WFDC8: variants seen among roughly 807,000 people sequenced by gnomAD.
WFDC8 encodes WAP four-disulfide core domain protein 8.
Under a neutral mutation model 27.0 loss-of-function variants are expected in WFDC8, and 24 were observed. The observed-to-expected ratio is 0.89, with a 90% CI of 0.64 to 1.25. The LOEUF is 1.25. Among genes scored for constraint, WFDC8 ranks in the 50% most tolerant of loss-of-function variants. The pLI, the probability that WFDC8 is intolerant of heterozygous loss-of-function variation, is 0.00. For missense variants in WFDC8, 287 were observed against 295.9 expected, an observed-to-expected ratio of 0.97 and a Z score of 0.22; for synonymous variants, 106 against 99.7, an observed-to-expected ratio of 1.06 and a Z score of -0.38.
At chr20:45,557,081 A>G (rs751360186) in intron 3 of WFDC8, among the ~76,000 whole-genome samples, 2 of 152,190 alleles carry the variant, frequency 1.3e-5, no homozygotes, top group African/African-American at 4.8e-5. Context: ...GAAAGGGCCA[A>G]TTGATCAACA....
intron 1 of WFDC8, among the ~76,000 whole-genome samples, chr20:45,578,950 T>C (rs1292472476): frequency 6.6e-6 from 1 of 152,048 alleles, no homozygotes; most frequent in African/African-American, 2.4e-5. Flanking sequence ...CTACTAAAAA[T>C]GCAAAACTTA....
At chr20:45,553,084 A>G (rs2294559) in intron 5 of WFDC8, 52 bp downstream of exon 5, 625,734 of 1,567,222 alleles carry the variant, frequency 0.4, 130,197 homozygotes, top group Non-Finnish European at 0.43. Context: ...AGACAGCATG[A>G]CATCCTTGGC....
intron 2 of WFDC8, 138 bp from the exon 3 acceptor site, chr20:45,559,130 G>T: frequency 9.4e-7 from 1 of 1,067,174 alleles, no homozygotes; most frequent in East Asian, 2.5e-5. Context: ...TTATATTCAG[G>T]GGCTAGTTCT....
chr20:45,574,010 G>A (rs1469437903), intron 1 of WFDC8, among the ~76,000 whole-genome samples: 1 of 152,064 alleles, frequency 6.6e-6, no homozygotes, highest in Non-Finnish European at 1.5e-5. Context: ...GGTCTTTTGT[G>A]ACTCCATACA....
intron 5 of WFDC8, 146 bp downstream of exon 5, chr20:45,552,990 G>T: frequency 1.1e-6 from 1 of 912,904 alleles, no homozygotes. Context: ...AATATAACTT[G>T]TTGGGCATTA....
chr20:45,568,083 C>T (rs1169586364), intron 1 of WFDC8: 4 of 361,150 alleles, frequency 1.1e-5, no homozygotes, highest in Non-Finnish European at 2.2e-5. Context: ...TGTTGCTGTG[C>T]GCAGGTGCTG....
At chr20:45,577,411 T>G (rs6032345) in intron 1 of WFDC8, among the ~76,000 whole-genome samples, 1 of 150,036 alleles carries the variant, frequency 6.7e-6, no homozygotes, top group Non-Finnish European at 1.5e-5. Flanking sequence ...TGTCTTTTTT[T>G]TTTTTTGAGA....
chr20:45,556,465 C>T (rs1178398755), intron 3 of WFDC8, among the ~76,000 whole-genome samples: 3 of 152,150 alleles, frequency 2.0e-5, no homozygotes, highest in Non-Finnish European at 4.4e-5. Context: ...ACACATTTAG[C>T]CCGGGAACTG....
chr20:45,565,021 AAAGG>A lies in WFDC8; in HGVS notation c.27-2806_27-2803del, dbSNP rs1555798554. On this transcript the variant is annotated intron_variant, in intron 1 of 5. Coordinates refer to ENST00000289953, the MANE Select transcript of WFDC8 (RefSeq NM_130896.3). ...AGGAAAGGAAGAAAGAAAGAGAAAG[AAAGG>A]AAGGAAGGAAGAAGAAAGGAAGGAA... Among the ~76,000 whole-genome samples, 88 of 146,646 alleles carry A rather than the reference AAAGG, an allele frequency of 6.0e-4. 1 individual carries two copies. The highest frequency in any genetic ancestry group is 2.8e-4 in the Non-Finnish European group (19 of 66,826).
chr20:45,552,015 C>T lies in WFDC8; in HGVS notation c.*11G>A, dbSNP rs768157766. The stretch of plus-strand genomic sequence containing the variant: ...TTAATGATTTTGATGATAATATTTT[C>T]TACTTACTATTCAACGTCTGGGGTC... On this transcript the variant is annotated 3_prime_UTR_variant, in exon 6 of 6. Coordinates refer to ENST00000289953, the MANE Select transcript of WFDC8 (RefSeq NM_130896.3). 1.2e-6 allele frequency: 2 copies of T among 1,612,450 alleles called. No homozygotes were observed. Among genetic ancestry groups the T allele is most frequent in the African/African-American group, 2.7e-5 (2 of 74,860 alleles).
intron 5 of WFDC8, among the ~76,000 whole-genome samples, chr20:45,552,529 G>T (rs1980075049): frequency 6.6e-6 from 1 of 152,202 alleles, no homozygotes. Context: ...AGAGGGAAAT[G>T]AGTTGCCCAA....
intron 1 of WFDC8, among the ~76,000 whole-genome samples, chr20:45,567,594 G>A (rs10485457): frequency 0.37 from 55,533 of 151,958 alleles, 10,776 homozygotes; most frequent in Non-Finnish European, 0.43. Flanking sequence ...AACAGTTCAC[G>A]ATAAAACTGA....
At chr20:45,576,623 C>T (rs760467449) in intron 1 of WFDC8, among the ~76,000 whole-genome samples, 4 of 151,420 alleles carry the variant, frequency 2.6e-5, no homozygotes, top group Non-Finnish European at 4.4e-5. Flanking sequence ...GTCTTGAACT[C>T]CTGGCCTCAA....
At chr20:45,577,020 C>T (rs1000206760) in intron 1 of WFDC8, among the ~76,000 whole-genome samples, 2 of 151,334 alleles carry the variant, frequency 1.3e-5, no homozygotes, top group Non-Finnish European at 3.0e-5. Context: ...AAAATCAATA[C>T]TCATGATGCT....
intron 1 of WFDC8, among the ~76,000 whole-genome samples, chr20:45,574,858 C>T (rs1308381192): frequency 6.6e-6 from 1 of 152,100 alleles, no homozygotes; most frequent in East Asian, 1.9e-4. Flanking sequence ...CCCTTGGATG[C>T]AAGGATGGTT....
chr20:45,562,343 C>T (rs1260259956), intron 1 of WFDC8, 124 bp from the exon 2 acceptor site: 1 of 736,722 alleles, frequency 1.4e-6, no homozygotes, highest in Non-Finnish European at 2.3e-6. Context: ...AGACTGACAC[C>T]AGCATGGGGA....
At chr20:45,566,410 C>T (rs556053396) in intron 1 of WFDC8, among the ~76,000 whole-genome samples, 3 of 152,068 alleles carry the variant, frequency 2.0e-5, no homozygotes, top group African/African-American at 7.2e-5. Flanking sequence ...GCCTGTAATC[C>T]CAGCATTTTG....
intron 1 of WFDC8, among the ~76,000 whole-genome samples, chr20:45,565,012 AAGAG>A (rs1267764661): frequency 4.4e-5 from 5 of 114,062 alleles, no homozygotes; most frequent in South Asian, 2.6e-4. Flanking sequence ...GGAAGAAAGA[AAGAG>A]AAAGAAAGGA....
chr20:45,574,593 G>A (rs1047222582), intron 1 of WFDC8, among the ~76,000 whole-genome samples: 13 of 152,254 alleles, frequency 8.5e-5, no homozygotes, highest in Middle Eastern at 3.4e-3. Context: ...CTAGGCGTTC[G>A]AGACCAGCCT....
Sources: gnomAD v4.1 joint callset for allele counts (sites outside exome capture counted in the v4.1 genomes callset) on GRCh38, gnomAD v4.1.1 for gene constraint, MANE v1.5 for transcripts, NCBI Gene and HGNC (gene_info 2026-07-23, HGNC 2026-07-21) for gene names.